Variants in HNRNPUL1 observed in about 807,000 individuals in gnomAD.
HNRNPUL1 encodes heterogeneous nuclear ribonucleoprotein U-like protein 1.
A neutral mutation model predicts 108.5 loss-of-function variants in HNRNPUL1; 14 were observed. The ratio of observed to expected loss-of-function variants is 0.13; its 90% confidence interval spans 0.09 to 0.20. The LOEUF (loss-of-function observed/expected upper bound fraction) is 0.20. HNRNPUL1 is among the 10% of genes least tolerant of loss of function. The pLI is 1.00. For missense variants in HNRNPUL1, 804 were observed against 1,168.3 expected (o/e 0.69, Z 4.55); for synonymous variants, 422 against 445.2 (o/e 0.95, Z 0.66).
intron 7 of HNRNPUL1, among the ~76,000 whole-genome samples, chr19:41,289,306 G>A (rs2036441277): frequency 1.3e-5 from 2 of 152,162 alleles, no homozygotes; most frequent in African/African-American, 4.8e-5. Context: ...GAACAAGAGG[G>A]GAGGACATTG....
Position 41,294,668 on chromosome 19 carries a change from C to G in HNRNPUL1, c.1500C>G (p.Arg500=). The change falls in exon 10 of 15, where the codon CGC becomes CGG. Residue 500 remains arginine (R), a synonymous_variant. Transcript: ENST00000392006. This position sits in a 1 kb window ranked among gnomAD's most constrained non-coding sequence, Gnocchi z 4.3. ...TCCAGATTGCTGCCCGCAAGAAACG[C>G]AACTATATCCTAGATCAGGTACTTA... ...RLIQIAARKK[R]NYILDQTNVY... 1.2e-6 allele frequency: 2 copies of G among 1,614,178 alleles called. No individual in the cohort carries two copies. The highest frequency in any genetic ancestry group is 1.7e-6 in the Non-Finnish European group (2 of 1,180,038).
At chr19:41,266,479 T>TG (rs34897711) in intron 1 of HNRNPUL1, among the ~76,000 whole-genome samples, 1,535 of 151,418 alleles carry the variant, frequency 0.01, 26 homozygotes, top group African/African-American at 0.035. Flanking sequence ...TAAATACAGA[T>TG]GGGGGGTCTC....
At chr19:41,286,860 G>A (rs1024361283) in intron 7 of HNRNPUL1, among the ~76,000 whole-genome samples, 1 of 151,740 alleles carries the variant, frequency 6.6e-6, no homozygotes, top group Non-Finnish European at 1.5e-5. Context: ...TGGGATTAAG[G>A]CGCCTGCCAC....
intron 1 of HNRNPUL1, among the ~76,000 whole-genome samples, chr19:41,267,783 G>A (rs537956389): frequency 1.1e-4 from 16 of 152,320 alleles, no homozygotes; most frequent in African/African-American, 3.8e-4. Flanking sequence ...TCTGGGTTTG[G>A]CTGCAAGGTT....
At chr19:41,266,217 G>C (rs988684501) in intron 1 of HNRNPUL1, among the ~76,000 whole-genome samples, 27 of 152,044 alleles carry the variant, frequency 1.8e-4, no homozygotes, top group Non-Finnish European at 7.4e-5. Flanking sequence ...GGCGGATCAC[G>C]AGGTCAGGAG....
rs1265641448 is a variant in HNRNPUL1, at chr19:41,273,212, G to A, written c.573-770G>A. Reference sequence around the variant, plus strand: ...CTAGAATGGACTTAACATGTGATGAGCACAGCTCATCCATGTTAGCCCTGG... The same window carrying A: ...CTAGAATGGACTTAACATGTGATGAACACAGCTCATCCATGTTAGCCCTGG... On this transcript the variant is annotated intron_variant, in intron 3 of 14. Coordinates refer to ENST00000392006, the MANE Select transcript of HNRNPUL1 (RefSeq NM_007040.6). Among the ~76,000 whole-genome samples the A allele has an allele frequency of 1.3e-5, 2 of 152,132 alleles. 1 individual carries two copies. Among genetic ancestry groups the A allele is most frequent in the Admixed American group, 1.3e-4 (2 of 15,268 alleles).
intron 10 of HNRNPUL1, among the ~76,000 whole-genome samples, chr19:41,295,470 T>A (rs1175479263): frequency 2.6e-5 from 4 of 152,248 alleles, no homozygotes; most frequent in Non-Finnish European, 4.4e-5. Flanking sequence ...TGTCTCAGAG[T>A]AATGAGTTCC....
intron 2 of HNRNPUL1, among the ~76,000 whole-genome samples, chr19:41,270,434 C>G (rs949329150): frequency 6.6e-6 from 1 of 151,898 alleles, no homozygotes; most frequent in African/African-American, 2.4e-5. Context: ...AATTTAAAAA[C>G]CTTGTGTCTT....
chr19:41,264,911 A>G, intron 1 of HNRNPUL1, 113 bp downstream of exon 1: 1 of 1,337,292 alleles, frequency 7.5e-7, no homozygotes, highest in South Asian at 2.0e-5. Flanking sequence ...GGATCGGGGG[A>G]TCCCGCTACC....
chr19:41,280,932 C>G, intron 6 of HNRNPUL1: 1 of 491,662 alleles, frequency 2.0e-6, no homozygotes, highest in East Asian at 3.6e-5. Context: ...CAGAGTTATT[C>G]AGTTGAGCTC....
intron 7 of HNRNPUL1, among the ~76,000 whole-genome samples, chr19:41,285,481 A>G (rs1489678698): frequency 1.3e-5 from 2 of 152,300 alleles, no homozygotes; most frequent in Non-Finnish European, 2.9e-5. Context: ...CTGGGATTAT[A>G]GGCCGGAGAC....
chr19:41,295,833 C>G (rs186877754), intron 10 of HNRNPUL1, among the ~76,000 whole-genome samples: 118 of 152,268 alleles, frequency 7.7e-4, no homozygotes, highest in African/African-American at 2.7e-3. Context: ...ACCGAGTTGC[C>G]TTCACATAGG....
chr19:41,280,400 G>A (rs1230005052), intron 6 of HNRNPUL1, among the ~76,000 whole-genome samples: 2 of 151,666 alleles, frequency 1.3e-5, no homozygotes, highest in African/African-American at 2.4e-5. Context: ...AAAAAAAAAA[G>A]TATACAGTTT....
At position 41,275,843 on chromosome 19, in the gene HNRNPUL1, C is replaced by T. The variant is rs1248769056; in HGVS notation, c.647-316C>T. On this transcript the variant is annotated intron_variant, in intron 4 of 14. Transcript: ENST00000392006. ...CCAGGCCGGGCGTGGTGGCTCACGC[C>T]TGTAATCCCAGCAGTTTGGGAGGCC... Among the ~76,000 whole-genome samples, 3 of 152,202 alleles carry T rather than the reference C, an allele frequency of 2.0e-5. No individual in the cohort carries two copies. In the South Asian group the frequency reaches 6.2e-4, roughly 32 times the overall value.
In HNRNPUL1 at chr19:41,294,577, A is replaced by G. The variant is rs374708266; in HGVS notation, c.1409A>G (p.Gln470Arg). The G allele has an allele frequency of 1.9e-6, 3 of 1,614,074 alleles. No individual in the cohort carries two copies. The highest frequency in any genetic ancestry group is 1.3e-5 in the African/African-American group (1 of 74,924). ...DKMRVMGLRR[Q>R]RNYAGRWDVL... The stretch of plus-strand genomic sequence containing the variant: ...CCGCAGGTGATGGGCCTACGCCGGC[A>G]GCGGAACTATGCTGGCCGCTGGGAT... Residue 470 changes from glutamine to arginine, a missense_variant, in exon 10 of 15, where the codon CAG (glutamine) becomes CGG (arginine). Gln to Arg is a conservative substitution (Grantham distance 43). This residue lies in a region of HNRNPUL1 where 80 missense variants were observed against 221.8 expected (regional missense o/e 0.36). Coordinates refer to ENST00000392006, the MANE Select transcript of HNRNPUL1 (RefSeq NM_007040.6). The surrounding 1 kb of genome is among the most constrained non-coding windows in gnomAD (Gnocchi z 4.3).
intron 12 of HNRNPUL1, 54 bp from the exon 13 acceptor site, chr19:41,303,917 CT>C: frequency 6.4e-7 from 1 of 1,565,456 alleles, no homozygotes; most frequent in Admixed American, 1.8e-5. Context: ...ACCCAGTTCC[CT>C]GGGGTTGCCA....
At chr19:41,268,770 A>C (rs1452333067) in intron 2 of HNRNPUL1, among the ~76,000 whole-genome samples, 2 of 152,062 alleles carry the variant, frequency 1.3e-5, no homozygotes, top group Non-Finnish European at 2.9e-5. Context: ...AGGCAGGAGA[A>C]TCACTTGAAC....
intron 6 of HNRNPUL1, 178 bp from the exon 7 acceptor site, chr19:41,280,985 T>C: frequency 3.6e-6 from 2 of 557,770 alleles, no homozygotes. Flanking sequence ...GCCCTCCAAG[T>C]TCTACATCAT....
At chr19:41,269,571 G>A (rs2035088319) in intron 2 of HNRNPUL1, among the ~76,000 whole-genome samples, 1 of 151,402 alleles carries the variant, frequency 6.6e-6, no homozygotes, top group Admixed American at 6.6e-5. Flanking sequence ...AGGAGGCCAA[G>A]TCAGGAGGAT....
Sources: allele counts gnomAD v4.1 joint callset (sites outside exome capture counted in the v4.1 genomes callset), GRCh38; gene constraint gnomAD v4.1.1; regional missense constraint gnomAD v4.1.1; non-coding constraint Gnocchi (gnomAD v3.1); transcripts MANE v1.5; gene names NCBI Gene and HGNC (gene_info 2026-07-23, HGNC 2026-07-21).